The following HPSE2 variants were observed in gnomAD, a reference collection of about 807,000 sequenced individuals.
HPSE2 encodes inactive heparanase-2.
HPSE2 carries 38 observed loss-of-function variants against 60.5 expected under a neutral mutation model. The observed-to-expected ratio is 0.63, with a 90% CI of 0.48 to 0.82. The LOEUF (loss-of-function observed/expected upper bound fraction) is 0.82. Among genes scored for constraint, HPSE2 ranks in the 40% least tolerant of loss-of-function variants. The pLI is 0.00. For missense variants in HPSE2, 713 were observed against 740.4 expected, an observed-to-expected ratio of 0.96 and a Z score of 0.43; for synonymous variants, 295 against 293.2, an observed-to-expected ratio of 1.01 and a Z score of -0.06.
At chr10:98,867,418 G>A (rs1952616257) in intron 3 of HPSE2, among the ~76,000 whole-genome samples, 1 of 152,080 alleles carries the variant, frequency 6.6e-6, no homozygotes, top group African/African-American at 2.4e-5. Context: ...TTGATCATCA[G>A]AGAAATGGAA....
At chr10:99,040,213 A>G (rs1483224310) in intron 3 of HPSE2, among the ~76,000 whole-genome samples, 1 of 152,218 alleles carries the variant, frequency 6.6e-6, no homozygotes, top group Non-Finnish European at 1.5e-5. Context: ...GTTCTACTGC[A>G]TTCTTTTTAA....
At chr10:98,502,024 A>G (rs768291822) in intron 9 of HPSE2, among the ~76,000 whole-genome samples, 1 of 152,168 alleles carries the variant, frequency 6.6e-6, no homozygotes, top group Non-Finnish European at 1.5e-5. Context: ...AAAACTACAA[A>G]ACACTGCTTA....
At chr10:98,542,161 G>A (rs943015425) in intron 9 of HPSE2, among the ~76,000 whole-genome samples, 55 of 152,204 alleles carry the variant, frequency 3.6e-4, no homozygotes, top group Non-Finnish European at 7.5e-4. Context: ...AGCAGCATTC[G>A]CGGTTCACGA....
chr10:99,051,614 A>G (rs1957993030), intron 3 of HPSE2, among the ~76,000 whole-genome samples: 2 of 152,208 alleles, frequency 1.3e-5, no homozygotes, highest in African/African-American at 4.8e-5. Context: ...CTAAGTATAA[A>G]CTAACTTCCA....
intron 4 of HPSE2, among the ~76,000 whole-genome samples, chr10:98,735,664 T>C (rs1949339301): frequency 6.6e-6 from 1 of 152,160 alleles, no homozygotes; most frequent in African/African-American, 2.4e-5. Context: ...TGGCGTGACC[T>C]GGATGTGAGA....
intron 2 of HPSE2, among the ~76,000 whole-genome samples, chr10:99,193,768 G>A (rs1454351581): frequency 6.6e-6 from 1 of 151,966 alleles, no homozygotes; most frequent in Non-Finnish European, 1.5e-5. Flanking sequence ...CCTAACACTG[G>A]AGCACCTGAT....
At chr10:99,244,414 T>TA in the HPSE2 span, among the ~76,000 whole-genome samples, 1 of 146,820 alleles carries the variant, frequency 6.8e-6, no homozygotes, top group African/African-American at 2.5e-5. Flanking sequence ...TTATTATTAT[T>TA]ATTATTATTT....
At chr10:98,496,763 T>G (rs143803806) in intron 9 of HPSE2, among the ~76,000 whole-genome samples, 4 of 152,336 alleles carry the variant, frequency 2.6e-5, no homozygotes, top group African/African-American at 7.2e-5. Flanking sequence ...CTACCATCTT[T>G]CCAGAATCCT....
At chr10:99,246,745 C>A in the HPSE2 span, among the ~76,000 whole-genome samples, 3 of 149,382 alleles carry the variant, frequency 2.0e-5, no homozygotes, top group Non-Finnish European at 1.5e-5. Flanking sequence ...GACTCCATCT[C>A]AAAAAAAAAA....
At chr10:99,093,634 A>C (rs1356875412) in intron 3 of HPSE2, among the ~76,000 whole-genome samples, 4 of 152,160 alleles carry the variant, frequency 2.6e-5, no homozygotes, top group African/African-American at 9.6e-5. Context: ...TGGAATGTCA[A>C]GTGCAAGAGC....
chr10:98,567,714 T>C (rs1944385794), intron 9 of HPSE2, among the ~76,000 whole-genome samples: 1 of 151,712 alleles, frequency 6.6e-6, no homozygotes, highest in Non-Finnish European at 1.5e-5. Context: ...TGATGCCTTG[T>C]GAATATTTCC....
chr10:98,897,888 C>A (rs527745870), intron 3 of HPSE2, among the ~76,000 whole-genome samples: 1 of 152,058 alleles, frequency 6.6e-6, no homozygotes, highest in Non-Finnish European at 1.5e-5. Context: ...CAAAAGATAT[C>A]ATTAATGGAA....
intron 3 of HPSE2, among the ~76,000 whole-genome samples, chr10:99,074,207 ATTATGTTGAGGTAATGTCC>A (rs1350749191): frequency 6.6e-6 from 1 of 152,078 alleles, no homozygotes; most frequent in Non-Finnish European, 1.5e-5. Context: ...ATATATGGCC[ATTATGTTGAGGTAATGTCC>A]TTCTTTTCCC....
At chr10:98,686,740 A>C (rs1366851167) in intron 6 of HPSE2, among the ~76,000 whole-genome samples, 2 of 152,156 alleles carry the variant, frequency 1.3e-5, no homozygotes, top group Non-Finnish European at 2.9e-5. Flanking sequence ...CATTTTATAG[A>C]TATTTTTGTT....
chr10:99,203,242 T>C (rs12765469), intron 2 of HPSE2, among the ~76,000 whole-genome samples: 3 of 151,720 alleles, frequency 2.0e-5, no homozygotes, highest in Non-Finnish European at 4.4e-5. Flanking sequence ...AGGGCCAGGA[T>C]AGCCCCAGTG....
chr10:98,770,613 G>A (rs1010872640), intron 3 of HPSE2, among the ~76,000 whole-genome samples: 1 of 151,998 alleles, frequency 6.6e-6, no homozygotes, highest in Non-Finnish European at 1.5e-5. Context: ...ATCATTTTTG[G>A]AAATGCCCTA....
At chr10:98,504,552 C>T (rs1942132941) in intron 9 of HPSE2, among the ~76,000 whole-genome samples, 1 of 152,040 alleles carries the variant, frequency 6.6e-6, no homozygotes, top group Admixed American at 6.6e-5. Flanking sequence ...TTTGGGAGGC[C>T]GAGGTTGCCG....
At position 98,731,444 on chromosome 10, in the gene HPSE2, G is replaced by A. The variant is rs78559063; in HGVS notation, c.785-9616C>T. Among the ~76,000 whole-genome samples the A allele has an allele frequency of 7.9e-4, 121 of 152,206 alleles. 1 individual carries two copies. The East Asian group carries it at 0.019, about 23-fold the overall frequency. On this transcript the variant is annotated intron_variant, in intron 4 of 11. Transcript: ENST00000370552. The stretch of plus-strand genomic sequence containing the variant: ...ACCAAGTGGGATTTATGCCAAGAAC[G>A]CAAGGTTGATTTAATATTAAAGCCT...
intron 3 of HPSE2, among the ~76,000 whole-genome samples, chr10:98,746,797 T>A (rs1949641116): frequency 6.6e-6 from 1 of 151,994 alleles, no homozygotes; most frequent in African/African-American, 2.4e-5. Flanking sequence ...TAGTAGGATT[T>A]TTTTTTAAAA....
Sources: gnomAD v4.1 joint callset for allele counts (sites outside exome capture counted in the v4.1 genomes callset) on GRCh38, gnomAD v4.1.1 for gene constraint, MANE v1.5 for transcripts, NCBI Gene and HGNC (gene_info 2026-07-23, HGNC 2026-07-21) for gene names.